The following CEP85L variants were observed in gnomAD, a reference collection of about 807,000 sequenced individuals.
The protein encoded by CEP85L is centrosomal protein of 85 kDa-like.
A neutral mutation model predicts 100.3 loss-of-function variants in CEP85L; 60 were observed. The ratio of observed to expected loss-of-function variants is 0.60; its 90% CI spans 0.49 to 0.74. The LOEUF (loss-of-function observed/expected upper bound fraction) is 0.74, where lower values mean the gene tolerates loss of function less well. Ranked by LOEUF, CEP85L falls within the 30% of genes least tolerant of loss-of-function variation. CEP85L has a pLI of 0.00. For synonymous variants in CEP85L, 319 were observed against 322.7 expected, an observed-to-expected ratio of 0.99 and a Z score of 0.12; for missense variants, 973 against 936.2, an observed-to-expected ratio of 1.04 and a Z score of -0.51.
intron 1 of CEP85L, among the ~76,000 whole-genome samples, chr6:118,665,453 G>T (rs748188316): frequency 6.6e-6 from 1 of 151,994 alleles, no homozygotes; most frequent in Non-Finnish European, 1.5e-5. Flanking sequence ...CAACTTCCCA[G>T]GCTCAGATGA....
intron 2 of CEP85L, among the ~76,000 whole-genome samples, chr6:118,619,417 G>A (rs1371339319): frequency 6.6e-6 from 1 of 152,094 alleles, no homozygotes; most frequent in Non-Finnish European, 1.5e-5. Flanking sequence ...GGCTTTCTTT[G>A]CCCTTCGTGA....
At chr6:118,484,481 T>A (rs932359671) in intron 6 of CEP85L, among the ~76,000 whole-genome samples, 3 of 152,240 alleles carry the variant, frequency 2.0e-5, no homozygotes, top group Admixed American at 6.5e-5. Context: ...TGTGCAAATT[T>A]GGTCAAGGCT....
intron 11 of CEP85L, 127 bp from the exon 12 acceptor site, chr6:118,469,430 C>T: frequency 1.5e-6 from 1 of 649,046 alleles, no homozygotes. Context: ...TGCACATTAA[C>T]CAAATTCAAC....
chr6:118,546,159 C>A (rs1055280828), intron 3 of CEP85L, among the ~76,000 whole-genome samples: 1 of 152,092 alleles, frequency 6.6e-6, no homozygotes, highest in African/African-American at 2.4e-5. Context: ...CACATGAGAT[C>A]ATCACCATCA....
chr6:118,581,218 C>G (rs867014231), intron 2 of CEP85L, among the ~76,000 whole-genome samples: 6 of 152,088 alleles, frequency 3.9e-5, no homozygotes, highest in South Asian at 2.1e-4. Context: ...CCATTTGGTT[C>G]CTACATTTCT....
At chr6:118,468,486 C>G (rs1772696710) in intron 12 of CEP85L, among the ~76,000 whole-genome samples, 6 of 152,078 alleles carry the variant, frequency 3.9e-5, no homozygotes, top group African/African-American at 1.2e-4. Context: ...GAAAGGGACA[C>G]TAGGATTATT....
chr6:118,572,551 A>T (rs896838649), intron 2 of CEP85L, among the ~76,000 whole-genome samples: 2 of 151,794 alleles, frequency 1.3e-5, no homozygotes, highest in Non-Finnish European at 2.9e-5. Context: ...CAGTCTGGAG[A>T]CAGAGCGAGA....
At chr6:118,474,417 A>G (rs1325498573) in intron 10 of CEP85L, among the ~76,000 whole-genome samples, 1 of 152,196 alleles carries the variant, frequency 6.6e-6, no homozygotes, top group East Asian at 1.9e-4. Flanking sequence ...AAGATAGGGC[A>G]TCAACATTTA....
intron 3 of CEP85L, among the ~76,000 whole-genome samples, chr6:118,556,012 T>C (rs1379093497): frequency 6.6e-6 from 1 of 152,234 alleles, no homozygotes; most frequent in Non-Finnish European, 1.5e-5. Flanking sequence ...TAGTATTGCA[T>C]GGTGTATATG....
Position 118,661,043 on chromosome 6 carries a change from G to A in CEP85L, c.-27-8235C>T, listed in dbSNP as rs577208534. 3.9e-5 allele frequency among the ~76,000 whole-genome samples: 6 copies of A among 151,972 alleles called. No homozygotes were observed. The South Asian group carries it at 6.2e-4, about 16-fold the overall frequency. ...TGGGATTACAGGCACCCGCCACCAC[G>A]CCCAGGTAATTTTTTGTATTTTTAG... On this transcript the variant is annotated intron_variant, in intron 1 of 13. Transcript: ENST00000368488.
In CEP85L at chr6:118,678,809, G is replaced by A. The variant is rs540016753; in HGVS notation, c.-27-26001C>T. On this transcript the variant is annotated intron_variant, in intron 1 of 13. Coordinates refer to the CEP85L transcript ENST00000368488. ...TTTCTGGGCATGGTGGCAGGTGCCT[G>A]CAGTCCCAGCTACTTGGGAGGCTGA... 2.3e-3 allele frequency among the ~76,000 whole-genome samples: 353 copies of A among 152,320 alleles called. 3 individuals are homozygous for A. Among genetic ancestry groups the A allele is most frequent in the African/African-American group, 8.3e-3 (346 of 41,570 alleles).
chr6:118,491,902 A>C, intron 5 of CEP85L, 37 bp from the exon 6 acceptor site: 1 of 1,512,780 alleles, frequency 6.6e-7, no homozygotes, highest in South Asian at 1.3e-5. Flanking sequence ...AGACTTTAAA[A>C]GTTTGTCTTG....
intron 4 of CEP85L, among the ~76,000 whole-genome samples, chr6:118,515,654 A>C (rs1776230402): frequency 6.6e-6 from 1 of 152,226 alleles, no homozygotes; most frequent in African/African-American, 2.4e-5. Flanking sequence ...TTTAGGGTCA[A>C]AGAAGAAATC....
intron 1 of CEP85L, among the ~76,000 whole-genome samples, chr6:118,695,011 A>G (rs1232020090): frequency 6.6e-6 from 1 of 152,194 alleles, no homozygotes; most frequent in Non-Finnish European, 1.5e-5. Flanking sequence ...TAGACATGGC[A>G]GTGTGGAAGT....
At chr6:118,618,873 C>T (rs1044067904) in intron 2 of CEP85L, among the ~76,000 whole-genome samples, 6 of 152,140 alleles carry the variant, frequency 3.9e-5, no homozygotes, top group African/African-American at 1.2e-4. Flanking sequence ...ATCAGTGGTG[C>T]CCCCGACCCA....
intron 1 of CEP85L, among the ~76,000 whole-genome samples, chr6:118,639,191 G>A (rs777029788): frequency 7.2e-5 from 11 of 152,040 alleles, no homozygotes; most frequent in South Asian, 2.1e-4. Context: ...TAAGTAGCAC[G>A]CGGTTCACAT....
chr6:118,462,686 C>T lies in CEP85L; in HGVS notation c.*2719G>A, dbSNP rs902386072. The T allele has an allele frequency of 1.3e-5, 2 of 151,870 alleles. No homozygotes were observed. Among genetic ancestry groups the T allele is most frequent in the Non-Finnish European group, 2.9e-5 (2 of 67,858 alleles). 9.4% of individuals were successfully genotyped at this position (151,870 alleles called of 1,614,324 possible). A position where few individuals can be genotyped will look rare whatever the true frequency, so the allele number is the denominator to read the frequency against. On this transcript the variant is annotated 3_prime_UTR_variant, in exon 13 of 13. Coordinates refer to ENST00000368491, the MANE Select transcript of CEP85L (RefSeq NM_001042475.3). ...GAATATATTGGTGTCATAACTTCCA[C>T]GAACATCCTAGTTCAAACTGGGTGA... is the stretch of plus-strand genomic sequence containing the variant.
chr6:118,468,720 A>G (rs1772716405), intron 12 of CEP85L, among the ~76,000 whole-genome samples: 1 of 152,214 alleles, frequency 6.6e-6, no homozygotes, highest in Non-Finnish European at 1.5e-5. Flanking sequence ...CCAGTGGACA[A>G]TATGGTTGGG....
intron 1 of CEP85L, among the ~76,000 whole-genome samples, chr6:118,636,254 G>A (rs542997598): frequency 6.6e-6 from 1 of 152,304 alleles, no homozygotes; most frequent in South Asian, 2.1e-4. Flanking sequence ...AGTAACTACA[G>A]CCAGCATATT....
Sources: gnomAD v4.1 joint callset for allele counts (sites outside exome capture counted in the v4.1 genomes callset) on GRCh38, gnomAD v4.1.1 for gene constraint, MANE v1.5 for transcripts, NCBI Gene and HGNC (gene_info 2026-07-23, HGNC 2026-07-21) for gene names.